CFAP58: variants seen among roughly 807,000 people sequenced by gnomAD.
CFAP58 encodes the protein cilia and flagella associated protein 58.
CFAP58 carries 88 observed loss-of-function variants against 119.5 expected under a neutral mutation model. The observed-to-expected ratio is 0.74, with a 90% CI of 0.62 to 0.88. The LOEUF (loss-of-function observed/expected upper bound fraction) is 0.88. Among genes scored for constraint, CFAP58 ranks in the 40% least tolerant of loss-of-function variants. CFAP58 has a pLI of 0.00. For missense variants in CFAP58, 990 were observed against 1,021.2 expected, an observed-to-expected ratio of 0.97 and a Z score of 0.42; for synonymous variants, 365 against 366.3, an observed-to-expected ratio of 1.00 and a Z score of 0.04.
intron 9 of CFAP58, among the ~76,000 whole-genome samples, chr10:104,387,619 A>C (rs930568193): frequency 2.6e-5 from 4 of 152,118 alleles, no homozygotes; most frequent in Admixed American, 1.3e-4. Context: ...TCTAAATTTC[A>C]CTATTCAGAT....
At chr10:104,399,958 G>T (rs1449193528) in intron 12 of CFAP58, among the ~76,000 whole-genome samples, 3 of 152,096 alleles carry the variant, frequency 2.0e-5, no homozygotes, top group Non-Finnish European at 4.4e-5. Context: ...TAATTTGGGG[G>T]TTAGAAATTT....
At chr10:104,387,919 C>T (rs2011957221) in intron 9 of CFAP58, among the ~76,000 whole-genome samples, 1 of 152,154 alleles carries the variant, frequency 6.6e-6, no homozygotes, top group African/African-American at 2.4e-5. Flanking sequence ...ATAACACTGT[C>T]AAGCAAAGCT....
intron 13 of CFAP58, among the ~76,000 whole-genome samples, chr10:104,403,407 G>A (rs953934094): frequency 1.3e-5 from 2 of 151,998 alleles, no homozygotes; most frequent in Non-Finnish European, 1.5e-5. Flanking sequence ...TTTATTAGCA[G>A]TGTGAGAAAA....
chr10:104,371,244 C>T (rs564400536), intron 7 of CFAP58, among the ~76,000 whole-genome samples, 190 bp downstream of exon 7: 10 of 152,094 alleles, frequency 6.6e-5, no homozygotes, highest in Non-Finnish European at 1.5e-4. Flanking sequence ...AAACTCTTAC[C>T]TTAAACAATT....
intron 3 of CFAP58, among the ~76,000 whole-genome samples, chr10:104,364,381 G>A (rs1282519795): frequency 6.6e-6 from 1 of 151,044 alleles, no homozygotes; most frequent in Non-Finnish European, 1.5e-5. Context: ...ATTTCTCAGA[G>A]ATAATCAGTG....
At chr10:104,340,931 G>A in the CFAP58 span, among the ~76,000 whole-genome samples, 1 of 152,122 alleles carries the variant, frequency 6.6e-6, no homozygotes, top group Non-Finnish European at 1.5e-5. Context: ...TCAGGGTCGC[G>A]GGAAGGAAAC....
At chr10:104,377,558 C>T (rs1414775240) in intron 8 of CFAP58, among the ~76,000 whole-genome samples, 5 of 152,050 alleles carry the variant, frequency 3.3e-5, no homozygotes. Context: ...GTAAATTTTC[C>T]TGCTCAAGGA....
Position 104,399,250 on chromosome 10 carries a change from C to T in CFAP58, c.1675-110C>T. 4 of 1,135,904 alleles carry T rather than the reference C, an allele frequency of 3.5e-6. No individual in the cohort carries two copies. The South Asian group carries it at 4.7e-5, about 13-fold the overall frequency. 70.4% of individuals were successfully genotyped at this position (1,135,904 alleles called of 1,614,324 possible). On this transcript the variant is annotated intron_variant, in intron 11 of 17. Transcript: ENST00000369704. ...AGTGATCAAACTGTGTTAAATGAAACATCAGAGGAAAGAGTAAGAAGCACA... is the reference window on the plus strand; with the variant it reads ...AGTGATCAAACTGTGTTAAATGAAATATCAGAGGAAAGAGTAAGAAGCACA...
At chr10:104,422,041 G>T (rs186652868) in intron 15 of CFAP58, among the ~76,000 whole-genome samples, 249 of 152,176 alleles carry the variant, frequency 1.6e-3, no homozygotes, top group African/African-American at 5.1e-3. Flanking sequence ...CAAAAAATGA[G>T]CCAGGTGCGG....
At chr10:104,376,516 A>G (rs959197205) in intron 7 of CFAP58, among the ~76,000 whole-genome samples, 14 of 151,032 alleles carry the variant, frequency 9.3e-5, no homozygotes, top group East Asian at 5.8e-4. Flanking sequence ...AAAAAAAAAA[A>G]AAAAAGAAAA....
intron 9 of CFAP58, among the ~76,000 whole-genome samples, chr10:104,380,743 A>G (rs139786728): frequency 1.7e-3 from 252 of 152,266 alleles, no homozygotes; most frequent in African/African-American, 5.2e-3. Flanking sequence ...AACTCCTGCA[A>G]TCTCAGCACT....
intron 15 of CFAP58, among the ~76,000 whole-genome samples, chr10:104,438,316 A>G (rs1034107440): frequency 3.3e-5 from 5 of 151,062 alleles, no homozygotes; most frequent in African/African-American, 1.2e-4. Flanking sequence ...AATCAATGGG[A>G]ATTTTTATTG....
Position 104,370,943 on chromosome 10 carries a change from A to G in CFAP58, c.979A>G (p.Asn327Asp), listed in dbSNP as rs1306217337. The G allele has an allele frequency of 6.2e-6, 10 of 1,613,752 alleles. No individual in the cohort carries two copies. Among genetic ancestry groups the G allele is most frequent in the Non-Finnish European group, 7.6e-6 (9 of 1,179,898 alleles). The stretch of plus-strand genomic sequence containing the variant: ...AATGCGCCTTGACATCGGGAAGCTC[A>G]ACAAAATCAGAGAACAAATTCATAA... ...HQMRLDIGKLNKIREQIHKKL... is the reference protein window; with the variant it reads ...HQMRLDIGKLDKIREQIHKKL... The change falls in exon 7 of 18, where the codon AAC (asparagine) becomes GAC (aspartate). Residue 327 changes from asparagine (N) to aspartate (D), a missense_variant. Physicochemically the swap from Asn to Asp is conservative, Grantham distance 23. Coordinates refer to ENST00000369704, the MANE Select transcript of CFAP58 (RefSeq NM_001008723.2).
chr10:104,376,795 C>T lies in CFAP58; in HGVS notation c.1091-16C>T, dbSNP rs373698186. ...GACTCTACGTTTATTATTATTTTTT[C>T]TCCCTGGGGATTCAGAGGTAGAGGC... On this transcript the variant is annotated splice_polypyrimidine_tract_variant and intron_variant, in intron 7 of 17. Transcript: ENST00000369704. 20 of 1,602,682 alleles carry T rather than the reference C, an allele frequency of 1.2e-5. No homozygotes were observed. Among genetic ancestry groups the T allele is most frequent in the Non-Finnish European group, 1.7e-5 (20 of 1,171,754 alleles).
intron 1 of CFAP58, among the ~76,000 whole-genome samples, chr10:104,357,680 C>T (rs893547347): frequency 1.3e-5 from 2 of 151,890 alleles, no homozygotes; most frequent in African/African-American, 4.8e-5. Context: ...GTAGTGGGAA[C>T]TACTTTTATC....
At chr10:104,339,377 G>C in the CFAP58 span, among the ~76,000 whole-genome samples, 11 of 152,312 alleles carry the variant, frequency 7.2e-5, no homozygotes, top group South Asian at 2.3e-3. Flanking sequence ...GCAGCGTTCT[G>C]GTCGAGCTTA....
At chr10:104,364,504 T>C (rs1439382796) in intron 3 of CFAP58, among the ~76,000 whole-genome samples, 1 of 150,974 alleles carries the variant, frequency 6.6e-6, no homozygotes, top group East Asian at 1.9e-4. Flanking sequence ...TGTATTTTCT[T>C]AAAAATAAAA....
intron 15 of CFAP58, among the ~76,000 whole-genome samples, chr10:104,422,457 C>T (rs554260697): frequency 5.9e-5 from 9 of 152,288 alleles, no homozygotes; most frequent in African/African-American, 2.2e-4. Flanking sequence ...TGGCTTAGAA[C>T]AATAATCATT....
intron 1 of CFAP58, among the ~76,000 whole-genome samples, chr10:104,355,789 T>C (rs12769490): frequency 0.21 from 31,730 of 152,244 alleles, 3,828 homozygotes; most frequent in Middle Eastern, 0.33. Context: ...GAGATTATTT[T>C]TCCTTTGCTT....
Sources: allele counts gnomAD v4.1 joint callset (sites outside exome capture counted in the v4.1 genomes callset), GRCh38; gene constraint gnomAD v4.1.1; transcripts MANE v1.5; gene names NCBI Gene and HGNC (gene_info 2026-07-23, HGNC 2026-07-21).